Variants in SLC14A2 observed in about 807,000 individuals in gnomAD.
SLC14A2 encodes urea transporter 2.
SLC14A2 carries 91 observed loss-of-function variants against 104.6 expected under a neutral mutation model. The observed-to-expected ratio is 0.87, with a 90% CI of 0.73 to 1.04. The LOEUF is 1.04. Among genes scored for constraint, SLC14A2 ranks in the 50% least tolerant of loss-of-function variants. The probability of loss-of-function intolerance (pLI) is 0.00; values close to 1 mark genes in which losing one functional copy is unlikely to be tolerated. For missense variants in SLC14A2, 1,189 were observed against 1,156.0 expected (o/e 1.03, Z -0.41); for synonymous variants, 476 against 466.4 (o/e 1.02, Z -0.27).
chr18:45,217,033 CA>C (rs2143981640), intron 1 of SLC14A2, among the ~76,000 whole-genome samples: 1 of 151,970 alleles, frequency 6.6e-6, no homozygotes, highest in East Asian at 1.9e-4. Context: ...TTTGGAATTT[CA>C]AAAAGCCCTT....
At chr18:45,514,765 C>T (rs2043413587) in intron 2 of SLC14A2, among the ~76,000 whole-genome samples, 1 of 152,170 alleles carries the variant, frequency 6.6e-6, no homozygotes, top group Admixed American at 6.5e-5. Context: ...CTTATACCCT[C>T]GAAACGTAGA....
intron 1 of SLC14A2, among the ~76,000 whole-genome samples, chr18:45,409,808 G>A (rs1485099669): frequency 6.6e-6 from 1 of 152,208 alleles, no homozygotes; most frequent in African/African-American, 2.4e-5. Flanking sequence ...GACTGGTTGT[G>A]TGGAAGATAA....
chr18:45,662,226 C>A (rs988413775), intron 10 of SLC14A2, among the ~76,000 whole-genome samples: 1 of 152,046 alleles, frequency 6.6e-6, no homozygotes, highest in Non-Finnish European at 1.5e-5. Context: ...TGCTTGAATC[C>A]GGGAGGTGGA....
intron 2 of SLC14A2, among the ~76,000 whole-genome samples, chr18:45,530,972 A>T (rs974040259): frequency 5.9e-5 from 9 of 152,086 alleles, no homozygotes; most frequent in Non-Finnish European, 1.3e-4. Flanking sequence ...TCCTTGCGAT[A>T]GTTTGCTGAG....
At chr18:45,637,932 G>A (rs890357102) in intron 6 of SLC14A2, among the ~76,000 whole-genome samples, 4 of 152,174 alleles carry the variant, frequency 2.6e-5, no homozygotes, top group South Asian at 2.1e-4. Context: ...TGGGAGCAGC[G>A]TGCTGGGAGG....
chr18:45,193,018 A>G, the SLC14A2 span, among the ~76,000 whole-genome samples: 1 of 152,120 alleles, frequency 6.6e-6, no homozygotes, highest in Non-Finnish European at 1.5e-5. Context: ...CTTGTCATAT[A>G]CTTATTTTAA....
At chr18:45,296,472 T>A (rs113791255) in intron 1 of SLC14A2, among the ~76,000 whole-genome samples, 2 of 152,346 alleles carry the variant, frequency 1.3e-5, no homozygotes, top group African/African-American at 4.8e-5. Flanking sequence ...GAAGCTAACC[T>A]GGTTAGAACA....
At chr18:45,529,728 TCA>T (rs1370563733) in intron 2 of SLC14A2, 1 of 151,994 alleles carries the variant, frequency 6.6e-6, no homozygotes, top group Non-Finnish European at 1.5e-5. Flanking sequence ...GAGAATGGGG[TCA>T]CATGGTCACT....
intron 2 of SLC14A2, among the ~76,000 whole-genome samples, chr18:45,519,768 G>A (rs1487321610): frequency 6.6e-6 from 1 of 152,224 alleles, no homozygotes; most frequent in East Asian, 1.9e-4. Context: ...CACCCGTGCT[G>A]TTACTCCGGG....
At chr18:45,214,078 T>C (rs1327263316) in intron 1 of SLC14A2, among the ~76,000 whole-genome samples, 2 of 152,164 alleles carry the variant, frequency 1.3e-5, no homozygotes, top group Admixed American at 6.5e-5. Context: ...ATGAGGTTCA[T>C]TGCTAGATAG....
At chr18:45,243,100 C>T (rs551872051) in intron 1 of SLC14A2, among the ~76,000 whole-genome samples, 9 of 152,248 alleles carry the variant, frequency 5.9e-5, no homozygotes, top group Admixed American at 3.3e-4. Flanking sequence ...CCTTGGCAGC[C>T]GGGAAGCTAA....
chr18:45,607,300 T>C (rs973836355), intron 2 of SLC14A2, among the ~76,000 whole-genome samples: 1 of 152,200 alleles, frequency 6.6e-6, no homozygotes, highest in Non-Finnish European at 1.5e-5. Flanking sequence ...ACTAACTTCC[T>C]GCAAAACTGT....
rs2087431646 is a variant in SLC14A2, at chr18:45,478,659, G to C, written c.-124-4574G>C. On this transcript the variant is annotated intron_variant, in intron 1 of 20. Coordinates refer to the SLC14A2 transcript ENST00000586448. Reference sequence around the variant, plus strand: ...TTTTGCAGAAAAAGGAAGGCGTGAAGAGCCAGCCTATAATGTCATCCAGTA... The same window carrying C: ...TTTTGCAGAAAAAGGAAGGCGTGAACAGCCAGCCTATAATGTCATCCAGTA... Among the ~76,000 whole-genome samples the C allele has an allele frequency of 2.0e-5, 3 of 152,144 alleles. No individual in the cohort carries two copies. The South Asian group carries it at 6.2e-4, about 32-fold the overall frequency.
chr18:45,198,694 T>C, the SLC14A2 span, among the ~76,000 whole-genome samples: 1 of 152,176 alleles, frequency 6.6e-6, no homozygotes, highest in African/African-American at 2.4e-5. Flanking sequence ...TCTATTGTTT[T>C]AGTGGTTGCC....
chr18:45,299,854 G>A (rs1370692147), intron 1 of SLC14A2, among the ~76,000 whole-genome samples: 4 of 152,234 alleles, frequency 2.6e-5, no homozygotes. Flanking sequence ...TGGCCTGAGA[G>A]AGGCAGAAAG....
At chr18:45,303,582 A>T (rs542125149) in intron 1 of SLC14A2, among the ~76,000 whole-genome samples, 13 of 152,320 alleles carry the variant, frequency 8.5e-5, no homozygotes, top group African/African-American at 2.9e-4. Flanking sequence ...CACAGGCTTG[A>T]CATGTGTCCA....
At chr18:45,298,209 A>G (rs2084935126) in intron 1 of SLC14A2, among the ~76,000 whole-genome samples, 1 of 152,210 alleles carries the variant, frequency 6.6e-6, no homozygotes, top group African/African-American at 2.4e-5. Flanking sequence ...GATTTAGGAA[A>G]ATGTGTTCCA....
chr18:45,225,611 T>C (rs1033067490), intron 1 of SLC14A2, among the ~76,000 whole-genome samples: 3 of 152,212 alleles, frequency 2.0e-5, no homozygotes, highest in African/African-American at 7.2e-5. Context: ...ATATTGATTC[T>C]TCCTATCCAT....
At chr18:45,301,273 G>A (rs985256973) in intron 1 of SLC14A2, among the ~76,000 whole-genome samples, 5 of 152,166 alleles carry the variant, frequency 3.3e-5, no homozygotes, top group Admixed American at 1.3e-4. Context: ...CTAGAACCCC[G>A]ACACTGTGGT....
Sources: gnomAD v4.1 joint callset for allele counts (sites outside exome capture counted in the v4.1 genomes callset) on GRCh38, gnomAD v4.1.1 for gene constraint, MANE v1.5 for transcripts, NCBI Gene and HGNC (gene_info 2026-07-23, HGNC 2026-07-21) for gene names.